The following ROBO2 variants were observed in gnomAD, a reference collection of about 807,000 sequenced individuals.
The protein encoded by ROBO2 is roundabout guidance receptor 2.
A neutral mutation model predicts 160.8 loss-of-function variants in ROBO2; 53 were observed. The ratio of observed to expected loss-of-function variants is 0.33; its 90% confidence interval spans 0.26 to 0.41. The LOEUF is 0.41. ROBO2 is among the 10% of genes least tolerant of loss of function. ROBO2 has a pLI of 1.00. For missense variants in ROBO2, 1,577 were observed against 1,722.4 expected (o/e 0.92, Z 1.49); for synonymous variants, 664 against 611.7 (o/e 1.09, Z -1.26).
intron 2 of ROBO2, among the ~76,000 whole-genome samples, chr3:76,158,602 G>T (rs1226123589): frequency 6.6e-6 from 1 of 152,104 alleles, no homozygotes; most frequent in African/African-American, 2.4e-5. Context: ...GGGTGGGGTT[G>T]GGGGAGAGAG....
intron 2 of ROBO2, among the ~76,000 whole-genome samples, chr3:76,524,009 G>T (rs1054567310): frequency 2.0e-5 from 3 of 149,524 alleles, no homozygotes; most frequent in African/African-American, 7.4e-5. Flanking sequence ...TGTGTGTGTG[G>T]TGTCTTCACA....
chr3:77,477,667 T>G, intron 3 of ROBO2, 96 bp downstream of exon 3: 1 of 1,220,072 alleles, frequency 8.2e-7, no homozygotes. Flanking sequence ...TTAATACAAT[T>G]GTATTTGAAT....
intron 2 of ROBO2, among the ~76,000 whole-genome samples, chr3:76,977,565 A>T (rs964681317): frequency 6.6e-6 from 1 of 152,212 alleles, no homozygotes; most frequent in African/African-American, 2.4e-5. Context: ...TAGAAATTTG[A>T]AATGGTACTC....
intron 1 of ROBO2, among the ~76,000 whole-genome samples, chr3:77,085,205 T>C (rs1045265417): frequency 2.0e-5 from 3 of 152,162 alleles, no homozygotes; most frequent in Non-Finnish European, 4.4e-5. Context: ...AAAACTGTTA[T>C]GATTGGCCAA....
chr3:77,056,159 A>G (rs1051107599), intron 1 of ROBO2, among the ~76,000 whole-genome samples: 3 of 152,198 alleles, frequency 2.0e-5, no homozygotes, highest in Non-Finnish European at 4.4e-5. Flanking sequence ...AAGTCCTCAG[A>G]ATACGAGGAA....
At chr3:77,122,180 CTT>C (rs2074843344) in intron 2 of ROBO2, among the ~76,000 whole-genome samples, 1 of 152,128 alleles carries the variant, frequency 6.6e-6, no homozygotes, top group Non-Finnish European at 1.5e-5. Flanking sequence ...ATGTAACTCT[CTT>C]GTTCTACACA....
chr3:76,189,139 G>A (rs951521833), intron 2 of ROBO2, among the ~76,000 whole-genome samples: 2 of 151,990 alleles, frequency 1.3e-5, no homozygotes, highest in African/African-American at 4.8e-5. Context: ...AGTGAAATGA[G>A]GATGTATAGT....
intron 2 of ROBO2, among the ~76,000 whole-genome samples, chr3:76,135,495 CTTTT>C (rs146715445): frequency 0.011 from 1,621 of 152,128 alleles, 32 homozygotes; most frequent in African/African-American, 0.034. Context: ...TTATGAAGAT[CTTTT>C]GGTAATTCCT....
chr3:76,642,340 G>GTTTTT (rs2090723661), intron 2 of ROBO2, among the ~76,000 whole-genome samples: 2 of 95,454 alleles, frequency 2.1e-5, no homozygotes, highest in African/African-American at 9.1e-5. Flanking sequence ...ATTTACACTT[G>GTTTTT]CTTTTTTTTT....
At chr3:77,209,457 G>A (rs2083836792) in intron 2 of ROBO2, among the ~76,000 whole-genome samples, 1 of 152,058 alleles carries the variant, frequency 6.6e-6, no homozygotes, top group African/African-American at 2.4e-5. Flanking sequence ...AAATGGAAAT[G>A]GCAATAAACA....
chr3:76,742,753 CA>C (rs1249222038), intron 2 of ROBO2, among the ~76,000 whole-genome samples: 4 of 151,822 alleles, frequency 2.6e-5, no homozygotes, highest in African/African-American at 9.7e-5. Flanking sequence ...TGCTTTGGTT[CA>C]CAAAAAAATA....
At chr3:76,638,359 T>A (rs1259106101) in intron 2 of ROBO2, among the ~76,000 whole-genome samples, 1 of 152,164 alleles carries the variant, frequency 6.6e-6, no homozygotes, top group Non-Finnish European at 1.5e-5. Flanking sequence ...AAGGGCAAAA[T>A]AATTCCAAAG....
chr3:76,147,441 T>C (rs1194023871), intron 2 of ROBO2, among the ~76,000 whole-genome samples: 1 of 152,000 alleles, frequency 6.6e-6, no homozygotes, highest in Non-Finnish European at 1.5e-5. Flanking sequence ...GTTTCTTATA[T>C]TACAATCTTT....
intron 2 of ROBO2, among the ~76,000 whole-genome samples, chr3:76,470,330 T>C (rs949784245): frequency 6.6e-6 from 1 of 152,172 alleles, no homozygotes; most frequent in Non-Finnish European, 1.5e-5. Flanking sequence ...TTATTTCTCA[T>C]TGTCCCAAGG....
At chr3:77,645,531 G>C (rs2095404283) in intron 25 of ROBO2, among the ~76,000 whole-genome samples, 1 of 152,072 alleles carries the variant, frequency 6.6e-6, no homozygotes, top group Non-Finnish European at 1.5e-5. Flanking sequence ...AATTTCCTCA[G>C]GAAAGTTACC....
intron 2 of ROBO2, among the ~76,000 whole-genome samples, chr3:76,265,182 G>T (rs188946206): frequency 1.1e-3 from 171 of 152,160 alleles, no homozygotes; most frequent in African/African-American, 4.0e-3. Context: ...CAGAGCCTTT[G>T]CTTGATCCAT....
intron 2 of ROBO2, among the ~76,000 whole-genome samples, chr3:76,278,866 T>G (rs893428154): frequency 6.6e-6 from 1 of 151,890 alleles, no homozygotes; most frequent in Non-Finnish European, 1.5e-5. Flanking sequence ...GTTCACTGAT[T>G]GAGCTGCTAC....
intron 2 of ROBO2, among the ~76,000 whole-genome samples, chr3:75,990,657 C>G (rs991334441): frequency 1.3e-5 from 2 of 152,150 alleles, no homozygotes; most frequent in South Asian, 2.1e-4. Context: ...GCTAGAATTA[C>G]CGCCATTGGA....
chr3:76,736,076 G>C (rs374486109), intron 2 of ROBO2, among the ~76,000 whole-genome samples: 3 of 151,648 alleles, frequency 2.0e-5, no homozygotes, highest in Non-Finnish European at 2.9e-5. Flanking sequence ...GAGGTCAGGA[G>C]ATCGAGACCA....
Sources: allele counts gnomAD v4.1 joint callset (sites outside exome capture counted in the v4.1 genomes callset), GRCh38; gene constraint gnomAD v4.1.1; transcripts MANE v1.5; gene names NCBI Gene and HGNC (gene_info 2026-07-23, HGNC 2026-07-21).